The following SETBP1 variants were observed in gnomAD, a reference collection of about 807,000 sequenced individuals.
SETBP1 encodes SET binding protein 1.
Under a neutral mutation model 101.0 loss-of-function variants are expected in SETBP1, and 9 were observed. The ratio of observed to expected loss-of-function variants is 0.09; its 90% CI spans 0.05 to 0.16. The LOEUF (loss-of-function observed/expected upper bound fraction) is 0.16. SETBP1 is among the 10% of genes least tolerant of loss of function. The pLI is 1.00. For synonymous variants in SETBP1, 818 were observed against 788.5 expected (o/e 1.04, Z -0.63); for missense variants, 1,858 against 2,033.8 (o/e 0.91, Z 1.66).
At chr18:45,056,204 G>A (rs1482480584) in intron 5 of SETBP1, among the ~76,000 whole-genome samples, 1 of 152,218 alleles carries the variant, frequency 6.6e-6, no homozygotes, top group African/African-American at 2.4e-5. Context: ...ATAAAGTATT[G>A]TATGGGTCTT....
intron 4 of SETBP1, among the ~76,000 whole-genome samples, chr18:45,029,191 T>A (rs1298477516): frequency 2.6e-5 from 4 of 152,086 alleles, no homozygotes; most frequent in Admixed American, 6.6e-5. Context: ...TTTTTGTATG[T>A]GGTGTAAGGA....
At chr18:44,737,439 A>C (rs1338662980) in intron 2 of SETBP1, among the ~76,000 whole-genome samples, 1 of 152,140 alleles carries the variant, frequency 6.6e-6, no homozygotes. Context: ...ATACACACAC[A>C]CCCAACTACT....
chr18:44,798,616 A>G (rs1568151142), intron 2 of SETBP1, among the ~76,000 whole-genome samples: 1 of 152,076 alleles, frequency 6.6e-6, no homozygotes, highest in Admixed American at 6.5e-5. Context: ...GAAAGTCATC[A>G]TTTTTCCGGC....
chr18:45,037,754 A>T (rs1022786790), intron 4 of SETBP1, among the ~76,000 whole-genome samples: 1 of 152,070 alleles, frequency 6.6e-6, no homozygotes, highest in African/African-American at 2.4e-5. Flanking sequence ...ATGACATATG[A>T]TGCGTGTTAT....
intron 5 of SETBP1, among the ~76,000 whole-genome samples, chr18:45,056,425 C>T (rs1412443430): frequency 1.3e-5 from 2 of 152,174 alleles, no homozygotes; most frequent in Non-Finnish European, 2.9e-5. Flanking sequence ...GGTGACCTGT[C>T]ATCTGATGGG....
rs561646456 is a variant in SETBP1 at position 44,989,282 on chromosome 18, G to C, written c.4000+35942G>C. The stretch of plus-strand genomic sequence containing the variant: ...GGTAGATTTGAAAACTGCCCAAATA[G>C]AAAGTCTAAAAATGAAATACATAAT... On this transcript the variant is annotated intron_variant, in intron 4 of 5. Transcript: ENST00000649279. 7 of 152,114 alleles carry C rather than the reference G, an allele frequency of 4.6e-5. No individual in the cohort carries two copies. In the South Asian group the frequency reaches 1.2e-3, roughly 27 times the overall value. The allele number at this position is 152,114 out of a possible 1,614,324, so 9.4% of individuals were successfully genotyped here. A position where few individuals can be genotyped will look rare whatever the true frequency, so the allele number is the denominator to read the frequency against.
At chr18:44,879,353 T>C (rs2069479668) in intron 3 of SETBP1, among the ~76,000 whole-genome samples, 1 of 152,212 alleles carries the variant, frequency 6.6e-6, no homozygotes, top group Admixed American at 6.5e-5. Flanking sequence ...TTAACTTTTA[T>C]GGCCAGAGTC....
At chr18:45,037,834 A>T (rs942703220) in intron 4 of SETBP1, among the ~76,000 whole-genome samples, 1 of 152,152 alleles carries the variant, frequency 6.6e-6, no homozygotes, top group Non-Finnish European at 1.5e-5. Context: ...TAATCCCCAC[A>T]GTTCATCTTC....
chr18:44,788,381 C>A (rs1241555383), intron 2 of SETBP1, among the ~76,000 whole-genome samples: 1 of 152,228 alleles, frequency 6.6e-6, no homozygotes, highest in East Asian at 1.9e-4. Context: ...CACCCGACAG[C>A]AGCTGGCTTG....
chr18:44,781,974 G>T lies in SETBP1; in HGVS notation c.486+80142G>T, dbSNP rs1305154190. On this transcript the variant is annotated intron_variant, in intron 2 of 5. Coordinates refer to ENST00000649279, the MANE Select transcript of SETBP1 (RefSeq NM_015559.3). ...TTGCAACCCTTAACGTTTTGAGTTT[G>T]TTATAAAATGTCCTTTGCTAGAAGG... Among the ~76,000 whole-genome samples, 3 of 152,196 alleles carry T rather than the reference G, an allele frequency of 2.0e-5. No homozygotes were observed. The East Asian group carries it at 5.8e-4, about 29-fold the overall frequency.
intron 2 of SETBP1, among the ~76,000 whole-genome samples, chr18:44,740,411 C>G (rs1203409087): frequency 6.6e-6 from 1 of 152,182 alleles, no homozygotes; most frequent in African/African-American, 2.4e-5. Context: ...CAGTTATTTC[C>G]TTTCTTCATG....
Position 44,701,756 on chromosome 18 carries a change from G to A in SETBP1, c.410G>A (p.Gly137Glu). 1 of 1,614,144 alleles carries A rather than the reference G, an allele frequency of 6.2e-7. No individual in the cohort carries two copies. Residue 137 changes from glycine to glutamate, a missense_variant, in exon 2 of 6, where the codon GGG (glycine) becomes GAG (glutamate). Gly to Glu is a moderately conservative substitution (Grantham distance 98). Around this residue, in one of 12 missense-constraint regions of SETBP1, gnomAD observed 581 missense variants for 535.1 expected, o/e 1.09. Coordinates refer to ENST00000649279, the MANE Select transcript of SETBP1 (RefSeq NM_015559.3). Reference protein sequence around the residue: ...PEIKITIKQSGDQKVSRAGKN... With the variant: ...PEIKITIKQSEDQKVSRAGKN... ...ATCAAGATCACCATCAAGCAGTCTGGGGACCAGAAGGTGTCCCGTGCTGGA... is the reference window on the plus strand; with the variant it reads ...ATCAAGATCACCATCAAGCAGTCTGAGGACCAGAAGGTGTCCCGTGCTGGA...
intron 2 of SETBP1, among the ~76,000 whole-genome samples, chr18:44,838,610 G>T (rs1289726996): frequency 1.3e-5 from 2 of 152,140 alleles, no homozygotes; most frequent in Non-Finnish European, 2.9e-5. Context: ...TCCTTACTAG[G>T]ACAGTTTACT....
rs554262921 is a variant in SETBP1, at chr18:44,856,192, A to C, written c.487-13038A>C. 2.0e-4 allele frequency among the ~76,000 whole-genome samples: 31 copies of C among 152,202 alleles called. No individual in the cohort carries two copies. In the South Asian group the frequency reaches 6.0e-3, roughly 30 times the overall value. On this transcript the variant is annotated intron_variant, in intron 2 of 5. Transcript: ENST00000649279. ...CAAGTTTCAGTGAGGCATATTTCAAATGCATAAAGGTAGAACTTGTTAAGG... is the reference window on the plus strand; with the variant it reads ...CAAGTTTCAGTGAGGCATATTTCAACTGCATAAAGGTAGAACTTGTTAAGG...
chr18:44,963,962 A>G (rs920624992), intron 4 of SETBP1, among the ~76,000 whole-genome samples: 3 of 149,696 alleles, frequency 2.0e-5, no homozygotes, highest in African/African-American at 7.4e-5. Flanking sequence ...ATGGAGCAGC[A>G]AGTCATTAAG....
intron 4 of SETBP1, among the ~76,000 whole-genome samples, chr18:45,032,049 G>T (rs1232916957): frequency 1.3e-5 from 2 of 152,122 alleles, no homozygotes; most frequent in African/African-American, 2.4e-5. Context: ...GCTTCTAGTT[G>T]TGGAATTCTA....
At chr18:44,766,664 T>TTATA (rs888373022) in intron 2 of SETBP1, among the ~76,000 whole-genome samples, 42 of 152,242 alleles carry the variant, frequency 2.8e-4, no homozygotes, top group Middle Eastern at 6.8e-3. Flanking sequence ...ATACTACTGA[T>TTATA]TATACACTTA....
At chr18:44,796,602 G>A (rs993017816) in intron 2 of SETBP1, among the ~76,000 whole-genome samples, 23 of 152,346 alleles carry the variant, frequency 1.5e-4, no homozygotes, top group African/African-American at 4.8e-4. Context: ...TCACATTACA[G>A]ATGAATAGTC....
chr18:44,736,050 A>G (rs557863758), intron 2 of SETBP1, among the ~76,000 whole-genome samples: 1 of 152,266 alleles, frequency 6.6e-6, no homozygotes, highest in East Asian at 1.9e-4. Context: ...AGGTCACTCT[A>G]CTGGTCTTTT....
Sources: allele counts gnomAD v4.1 joint callset (sites outside exome capture counted in the v4.1 genomes callset), GRCh38; gene constraint gnomAD v4.1.1; regional missense constraint gnomAD v4.1.1; transcripts MANE v1.5; gene names NCBI Gene and HGNC (gene_info 2026-07-23, HGNC 2026-07-21).